Variants in ICA1L observed in about 807,000 individuals in gnomAD.
ICA1L encodes the protein islet cell autoantigen 1 like.
In ICA1L, 50 loss-of-function variants were observed where a neutral mutation model predicts 61.3. The observed-to-expected ratio is 0.82, with a 90% CI of 0.65 to 1.03. The LOEUF (loss-of-function observed/expected upper bound fraction) is 1.03, where lower values mean the gene tolerates loss of function less well. Among genes scored for constraint, ICA1L ranks in the 50% least tolerant of loss-of-function variants. The probability of loss-of-function intolerance (pLI) is 0.00; values close to 1 mark genes in which losing one functional copy is unlikely to be tolerated. For missense variants in ICA1L, 508 were observed against 556.7 expected, an observed-to-expected ratio of 0.91 and a Z score of 0.88; for synonymous variants, 161 against 191.3, an observed-to-expected ratio of 0.84 and a Z score of 1.31.
At chr2:202,868,006 A>G (rs1323050998) in intron 1 of ICA1L, among the ~76,000 whole-genome samples, 2 of 152,186 alleles carry the variant, frequency 1.3e-5, no homozygotes, top group African/African-American at 2.4e-5. Context: ...TCAGCAACAG[A>G]AAAACTACAA....
chr2:202,806,123 C>T (rs138161110), intron 9 of ICA1L, among the ~76,000 whole-genome samples: 54 of 152,190 alleles, frequency 3.5e-4, no homozygotes, highest in African/African-American at 1.2e-3. Context: ...AGCCAGCCAG[C>T]CAAGGAAGTG....
At position 202,773,741 on chromosome 2, in the gene ICA1L, A is replaced by C; in HGVS notation, c.*5792T>G. On this transcript the variant is annotated 3_prime_UTR_variant, in exon 13 of 13. Coordinates refer to ENST00000358299, the MANE Select transcript of ICA1L (RefSeq NM_001288622.3). ...TGCATCAGTTATGCATGAAGAGTTT[A>C]ATAACCATCCAGGTCCAAAGGTGGA... The C allele has an allele frequency of 7.8e-7, 1 of 1,285,166 alleles. No homozygotes were observed. Among genetic ancestry groups the C allele is most frequent in the Non-Finnish European group, 1.1e-6 (1 of 885,174 alleles). The allele number at this position is 1,285,166 out of a possible 1,614,324, so 79.6% of individuals were successfully genotyped here.
chr2:202,843,062 G>C (rs1194502575), intron 1 of ICA1L, among the ~76,000 whole-genome samples: 2 of 151,944 alleles, frequency 1.3e-5, no homozygotes, highest in African/African-American at 4.8e-5. Flanking sequence ...ATGTTTCTCT[G>C]TATTTTTCTT....
chr2:202,802,775 C>G (rs942917464), intron 9 of ICA1L, among the ~76,000 whole-genome samples: 1 of 151,070 alleles, frequency 6.6e-6, no homozygotes, highest in Non-Finnish European at 1.5e-5. Flanking sequence ...TTTAATAAAA[C>G]AAGAATGATG....
intron 1 of ICA1L, among the ~76,000 whole-genome samples, chr2:202,869,766 T>C (rs1272619940): frequency 6.6e-6 from 1 of 152,148 alleles, no homozygotes; most frequent in African/African-American, 2.4e-5. Flanking sequence ...TTTAAAACCC[T>C]AGTGTTACAT....
chr2:202,786,041 A>C (rs766080184), intron 11 of ICA1L, 34 bp from the exon 12 acceptor site: 2 of 1,193,964 alleles, frequency 1.7e-6, no homozygotes, highest in Non-Finnish European at 2.5e-6. Context: ...GTCCATTGTT[A>C]ATCAAATAGG....
chr2:202,838,447 C>T (rs1236624014), intron 1 of ICA1L, among the ~76,000 whole-genome samples: 3 of 152,108 alleles, frequency 2.0e-5, no homozygotes, highest in African/African-American at 7.2e-5. Flanking sequence ...TCCATTTGGT[C>T]TAAAATGTAG....
chr2:202,855,769 C>A (rs1176941733), intron 1 of ICA1L, among the ~76,000 whole-genome samples: 1 of 152,032 alleles, frequency 6.6e-6, no homozygotes, highest in Non-Finnish European at 1.5e-5. Flanking sequence ...TGAAACTACT[C>A]CAAACAATAA....
At chr2:202,779,698 T>C in intron 12 of ICA1L, 50 bp from the exon 13 acceptor site, 1 of 1,089,506 alleles carries the variant, frequency 9.2e-7, no homozygotes, top group South Asian at 1.4e-5. Context: ...TTTGAAATCA[T>C]GTTTTTGTAC....
At position 202,778,635 on chromosome 2, in the gene ICA1L, C is replaced by A. The variant is rs1323933033; in HGVS notation, c.*898G>T. 1 of 152,496 alleles carries A rather than the reference C, an allele frequency of 6.6e-6. No homozygotes were observed. 9.4% of individuals were successfully genotyped at this position (152,496 alleles called of 1,614,324 possible). On this transcript the variant is annotated 3_prime_UTR_variant, in exon 13 of 13. Transcript: ENST00000358299. The stretch of plus-strand genomic sequence containing the variant: ...TTCAGATAGAAATTTCTAGGTATTT[C>A]AGGAATACTATTGCCAGTTGCTTAG...
chr2:202,782,462 C>T (rs1692441073), intron 12 of ICA1L, among the ~76,000 whole-genome samples: 1 of 150,674 alleles, frequency 6.6e-6, no homozygotes, highest in African/African-American at 2.4e-5. Context: ...GGCTGGAGGG[C>T]AATGGTATGA....
intron 1 of ICA1L, among the ~76,000 whole-genome samples, chr2:202,868,631 T>C (rs1353590795): frequency 6.6e-6 from 1 of 152,190 alleles, no homozygotes; most frequent in Non-Finnish European, 1.5e-5. Context: ...TAAAAAGCTA[T>C]ACAGATAAAA....
At chr2:202,817,814 G>A (rs1693582381) in intron 5 of ICA1L, among the ~76,000 whole-genome samples, 2 of 152,130 alleles carry the variant, frequency 1.3e-5, no homozygotes, top group South Asian at 4.2e-4. Flanking sequence ...TTTTTAAAAA[G>A]TATTCCAAAT....
intron 11 of ICA1L, among the ~76,000 whole-genome samples, chr2:202,787,367 A>G (rs1274667987): frequency 1.3e-5 from 2 of 152,222 alleles, no homozygotes; most frequent in Non-Finnish European, 2.9e-5. Context: ...ATGGAGGAAG[A>G]GGGAGGAGTT....
chr2:202,809,407 C>T (rs1045050131), intron 9 of ICA1L, among the ~76,000 whole-genome samples: 1 of 151,880 alleles, frequency 6.6e-6, no homozygotes, highest in Admixed American at 6.6e-5. Flanking sequence ...CCCAGTACTT[C>T]GAGAGGCCAA....
intron 10 of ICA1L, among the ~76,000 whole-genome samples, chr2:202,794,609 G>T (rs982016463): frequency 6.6e-6 from 1 of 152,084 alleles, no homozygotes; most frequent in Non-Finnish European, 1.5e-5. Flanking sequence ...TCTATTTTCA[G>T]ATGACATAAC....
At chr2:202,816,265 G>C (rs1693530969) in intron 6 of ICA1L, among the ~76,000 whole-genome samples, 1 of 152,148 alleles carries the variant, frequency 6.6e-6, no homozygotes, top group Admixed American at 6.6e-5. Context: ...CACCCAGAGA[G>C]TGACTGCAGC....
At chr2:202,864,671 T>C (rs914253640) in intron 1 of ICA1L, among the ~76,000 whole-genome samples, 1 of 146,040 alleles carries the variant, frequency 6.8e-6, no homozygotes. Flanking sequence ...GGATAAAACA[T>C]GACTAACTAG....
At chr2:202,869,554 G>T (rs1046768340) in intron 1 of ICA1L, 1 of 152,114 alleles carries the variant, frequency 6.6e-6, no homozygotes, top group Non-Finnish European at 1.5e-5. Context: ...GGATGGGTGG[G>T]ATGAGACTTC....
Sources: gnomAD v4.1 joint callset for allele counts (sites outside exome capture counted in the v4.1 genomes callset) on GRCh38, gnomAD v4.1.1 for gene constraint, MANE v1.5 for transcripts, NCBI Gene and HGNC (gene_info 2026-07-23, HGNC 2026-07-21) for gene names.